Variants in LRRTM4 observed in about 807,000 individuals in gnomAD.
LRRTM4 encodes the protein leucine-rich repeat transmembrane neuronal protein 4.
A neutral mutation model predicts 47.6 loss-of-function variants in LRRTM4; 25 were observed. The observed-to-expected ratio is 0.53, with a 90% CI of 0.38 to 0.73. The LOEUF (loss-of-function observed/expected upper bound fraction) is 0.73. LRRTM4 is among the 30% of genes least tolerant of loss of function. The pLI is 0.00. For synonymous variants in LRRTM4, 311 were observed against 269.5 expected (o/e 1.15, Z -1.51); for missense variants, 638 against 713.4 (o/e 0.89, Z 1.20).
chr2:76,857,412 G>A (rs566427070), intron 3 of LRRTM4, among the ~76,000 whole-genome samples: 5 of 151,142 alleles, frequency 3.3e-5, no homozygotes, highest in African/African-American at 1.2e-4. Flanking sequence ...ATACAAATGT[G>A]TGTTATTTGA....
intron 3 of LRRTM4, among the ~76,000 whole-genome samples, chr2:76,974,889 G>A (rs752506233): frequency 6.6e-5 from 10 of 151,522 alleles, no homozygotes; most frequent in Non-Finnish European, 1.0e-4. Flanking sequence ...ATGCACAACA[G>A]TAATCATCTT....
chr2:77,297,090 G>GTTTTTGTTGTTATTGTT lies in LRRTM4; in HGVS notation c.1551+221211_1551+221227dup, dbSNP rs1345712057. ...ATTGTTTTCTTGTCTGTTTCTTTTTGTTTTTGTTGTTATTGTTTTTTTGTT... is the reference window on the plus strand; with the variant it reads ...ATTGTTTTCTTGTCTGTTTCTTTTTGTTTTTGTTGTTATTGTTTTTTTGTTGTTATTGTTTTTTTGTT... On this transcript the variant is annotated intron_variant, in intron 3 of 3. Transcript: ENST00000409884. Among the ~76,000 whole-genome samples the GTTTTTGTTGTTATTGTT allele has an allele frequency of 2.6e-5, 4 of 152,058 alleles. No homozygotes were observed. In the East Asian group the frequency reaches 7.7e-4, roughly 29 times the overall value.
rs189983590 is a variant in LRRTM4, at chr2:77,520,776, C to T, written c.4+892G>A. ...CACATTTCTCACTGACTTTTTTCTC[C>T]CCTATCTCCATTAACTTCAGAAAGC... On this transcript the variant is annotated intron_variant, in intron 2 of 3. Transcript: ENST00000409884. Among the ~76,000 whole-genome samples the T allele has an allele frequency of 5.9e-4, 90 of 151,930 alleles. 1 individual carries two copies. Among genetic ancestry groups the T allele is most frequent in the African/African-American group, 2.0e-3 (83 of 41,506 alleles).
At chr2:77,472,553 T>C (rs945529501) in intron 3 of LRRTM4, among the ~76,000 whole-genome samples, 1 of 151,876 alleles carries the variant, frequency 6.6e-6, no homozygotes, top group African/African-American at 2.4e-5. Context: ...CTCCCTAAAA[T>C]GAAGGGGATT....
intron 3 of LRRTM4, among the ~76,000 whole-genome samples, chr2:77,051,068 T>G (rs909961718): frequency 6.6e-6 from 1 of 151,976 alleles, no homozygotes; most frequent in Non-Finnish European, 1.5e-5. Context: ...CGGTTCTTCA[T>G]TCTGGGCAGT....
intron 3 of LRRTM4, among the ~76,000 whole-genome samples, chr2:77,010,501 T>TACACACACAC (rs34456976): frequency 0.012 from 1,658 of 139,874 alleles, 19 homozygotes; most frequent in Admixed American, 0.029. Flanking sequence ...TTGTATTGTT[T>TACACACACAC]ACACACACAC....
intron 3 of LRRTM4, among the ~76,000 whole-genome samples, chr2:77,353,417 C>T (rs1469307056): frequency 6.6e-6 from 1 of 152,130 alleles, no homozygotes; most frequent in East Asian, 1.9e-4. Context: ...CAATGACATG[C>T]TTGAAGATGA....
At chr2:77,078,038 A>C (rs1680396551) in intron 3 of LRRTM4, among the ~76,000 whole-genome samples, 1 of 152,136 alleles carries the variant, frequency 6.6e-6, no homozygotes, top group African/African-American at 2.4e-5. Flanking sequence ...TGAACTGCAG[A>C]CTTTACTTCC....
At chr2:76,839,868 G>T (rs1292781843) in intron 3 of LRRTM4, among the ~76,000 whole-genome samples, 1 of 152,028 alleles carries the variant, frequency 6.6e-6, no homozygotes, top group Non-Finnish European at 1.5e-5. Context: ...GTATGAGGAA[G>T]AATATAAAGG....
intron 3 of LRRTM4, among the ~76,000 whole-genome samples, chr2:76,763,999 G>A (rs1272211357): frequency 6.6e-6 from 1 of 152,194 alleles, no homozygotes; most frequent in Non-Finnish European, 1.5e-5. Flanking sequence ...AGGAGCAGAT[G>A]ATTGGTCACT....
chr2:77,137,067 G>A (rs1671965880), intron 3 of LRRTM4, among the ~76,000 whole-genome samples: 1 of 151,774 alleles, frequency 6.6e-6, no homozygotes, highest in African/African-American at 2.4e-5. Flanking sequence ...ATATTATCCA[G>A]GAGAACTTCC....
chr2:76,937,941 C>T (rs114393038), intron 3 of LRRTM4, among the ~76,000 whole-genome samples: 2,902 of 151,952 alleles, frequency 0.019, 76 homozygotes, highest in East Asian at 0.082. Context: ...GTATAACTTA[C>T]GAAAAATGGA....
At chr2:76,974,851 T>C (rs1225513347) in intron 3 of LRRTM4, among the ~76,000 whole-genome samples, 1 of 151,784 alleles carries the variant, frequency 6.6e-6, no homozygotes, top group Non-Finnish European at 1.5e-5. Context: ...TTTTTTTTAA[T>C]TGGAGGAAAT....
intron 3 of LRRTM4, among the ~76,000 whole-genome samples, chr2:77,145,612 C>CAA (rs1181876984): frequency 1.4e-5 from 2 of 139,212 alleles, no homozygotes; most frequent in African/African-American, 5.2e-5. Flanking sequence ...ACTAAAAATA[C>CAA]AAAAAAAAAA....
chr2:76,779,647 A>G (rs1303288419), intron 3 of LRRTM4, among the ~76,000 whole-genome samples: 1 of 150,010 alleles, frequency 6.7e-6, no homozygotes, highest in Non-Finnish European at 1.5e-5. Context: ...TTTTGAGCCT[A>G]TATGTGTCTC....
At chr2:76,968,261 AAAAC>A (rs1353719429) in intron 3 of LRRTM4, among the ~76,000 whole-genome samples, 2 of 148,948 alleles carry the variant, frequency 1.3e-5, no homozygotes, top group East Asian at 2.0e-4. Context: ...CTTTTTAAAA[AAAAC>A]AAATCTGGCA....
intron 3 of LRRTM4, among the ~76,000 whole-genome samples, chr2:77,228,025 G>A (rs1443444549): frequency 1.3e-5 from 2 of 151,986 alleles, no homozygotes; most frequent in African/African-American, 4.8e-5. Flanking sequence ...CAAAGGGAAT[G>A]AGATATTATT....
At chr2:76,994,729 CATGATTTT>C (rs1333265948) in intron 3 of LRRTM4, among the ~76,000 whole-genome samples, 3 of 151,870 alleles carry the variant, frequency 2.0e-5, no homozygotes, top group Non-Finnish European at 4.4e-5. Flanking sequence ...AGATTTATCT[CATGATTTT>C]ATGAACGTGG....
intron 3 of LRRTM4, among the ~76,000 whole-genome samples, chr2:77,106,513 A>ATCTTT (rs1671096091): frequency 2.0e-5 from 3 of 152,122 alleles, no homozygotes; most frequent in Admixed American, 2.0e-4. Context: ...TTTGAGGGAT[A>ATCTTT]GAAATACTGG....
Sources: allele counts gnomAD v4.1 joint callset (sites outside exome capture counted in the v4.1 genomes callset), GRCh38; gene constraint gnomAD v4.1.1; transcripts MANE v1.5; gene names NCBI Gene and HGNC (gene_info 2026-07-23, HGNC 2026-07-21).